GPC3: variants seen among roughly 807,000 people sequenced by gnomAD.
GPC3 encodes glypican-3.
In GPC3, 3 loss-of-function variants were observed where a neutral mutation model predicts 34.4. That is an observed-to-expected ratio of 0.09 (90% CI 0.04 to 0.23). The LOEUF is 0.23. Among genes scored for constraint, GPC3 ranks in the 10% least tolerant of loss-of-function variants. GPC3 has a pLI of 1.00. For missense variants in GPC3, 351 were observed against 445.6 expected (o/e 0.79, Z 1.91); for synonymous variants, 177 against 174.0 (o/e 1.02, Z -0.13).
intron 6 of GPC3, among the ~76,000 whole-genome samples, chrX:133,627,788 A>C (rs753352205): frequency 8.9e-6 from 1 of 112,660 alleles, no homozygotes; most frequent in East Asian, 2.8e-4. Context: ...AAATCCACAA[A>C]GGAAACAAAT....
At chrX:133,795,459 G>A (rs768063190) in intron 2 of GPC3, among the ~76,000 whole-genome samples, 42 of 111,384 alleles carry the variant, frequency 3.8e-4, no homozygotes, top group Non-Finnish European at 4.5e-4. Context: ...GCAGTGCCTG[G>A]TCAAGGTGGG....
At chrX:133,622,125 G>A (rs1383745053) in intron 6 of GPC3, among the ~76,000 whole-genome samples, 1 of 111,786 alleles carries the variant, frequency 8.9e-6, no homozygotes, top group Non-Finnish European at 1.9e-5. Context: ...AAACAGAAAG[G>A]ACATCCACAC....
rs757122548 is a variant in GPC3, at chrX:133,916,355, A to G, written c.337+36695T>C. Among the ~76,000 whole-genome samples, 3 of 111,559 alleles carry G rather than the reference A, an allele frequency of 2.7e-5. No homozygotes were observed. In the South Asian group the frequency reaches 1.1e-3, roughly 42 times the overall value. On this transcript the variant is annotated intron_variant, in intron 2 of 7. Transcript: ENST00000370818. ...ATATATACACTTTTTTCTATTAAAA[A>G]GTCTGTTAACTAAGCTGTTATGAGT...
intron 2 of GPC3, among the ~76,000 whole-genome samples, chrX:133,854,823 A>G (rs1183341651): frequency 8.9e-6 from 1 of 112,371 alleles, no homozygotes; most frequent in East Asian, 2.8e-4. Flanking sequence ...TGAAAATAAG[A>G]AATAAACTAT....
chrX:133,812,355 C>G (rs1433327543), intron 2 of GPC3, among the ~76,000 whole-genome samples: 3 of 112,060 alleles, frequency 2.7e-5, no homozygotes, highest in African/African-American at 9.7e-5. Context: ...AATATTTAAA[C>G]TCGAATGTGT....
intron 2 of GPC3, among the ~76,000 whole-genome samples, chrX:133,828,027 G>T (rs1266529277): frequency 2.8e-5 from 3 of 105,585 alleles, no homozygotes; most frequent in Admixed American, 1.0e-4. Context: ...GAACTAAATT[G>T]TCATAAGCTG....
At chrX:133,815,077 G>A (rs779491580) in intron 2 of GPC3, among the ~76,000 whole-genome samples, 2 of 110,268 alleles carry the variant, frequency 1.8e-5, no homozygotes, top group African/African-American at 6.6e-5. Context: ...TTCCAATGGG[G>A]AAAAAAAGTG....
intron 3 of GPC3, among the ~76,000 whole-genome samples, chrX:133,734,245 A>T (rs1031932678): frequency 8.9e-6 from 1 of 112,025 alleles, no homozygotes; most frequent in African/African-American, 3.2e-5. Context: ...AACATCTGGT[A>T]ATCAATGTAA....
intron 2 of GPC3, among the ~76,000 whole-genome samples, chrX:133,901,022 G>A (rs1209387560): frequency 8.9e-6 from 1 of 111,950 alleles, no homozygotes; most frequent in African/African-American, 3.2e-5. Context: ...ATTTCTGTTT[G>A]AATCAAACTA....
At chrX:133,800,007 C>T in intron 2 of GPC3, among the ~76,000 whole-genome samples, 1 of 111,955 alleles carries the variant, frequency 8.9e-6, no homozygotes, top group Non-Finnish European at 1.9e-5. Context: ...TTCTGACTGA[C>T]ATAAAAAGTT....
chrX:133,586,687 C>T (rs765119272), intron 7 of GPC3, among the ~76,000 whole-genome samples: 1 of 112,030 alleles, frequency 8.9e-6, no homozygotes, highest in Non-Finnish European at 1.9e-5. Context: ...ACTCAGCCGA[C>T]ATATTTGTCA....
At chrX:133,944,626 G>A (rs759761245) in intron 2 of GPC3, among the ~76,000 whole-genome samples, 1 of 111,904 alleles carries the variant, frequency 8.9e-6, no homozygotes, top group South Asian at 3.8e-4. Flanking sequence ...CTGAATGAGA[G>A]GATTATGAGT....
chrX:133,867,866 C>T (rs1248791988), intron 2 of GPC3, among the ~76,000 whole-genome samples: 4 of 107,714 alleles, frequency 3.7e-5, no homozygotes, highest in East Asian at 3.0e-4. Flanking sequence ...AACATCTAAA[C>T]GCCAAGAGGA....
chrX:133,681,692 C>A (rs1410269921), intron 5 of GPC3, among the ~76,000 whole-genome samples: 1 of 111,672 alleles, frequency 9.0e-6, no homozygotes, highest in Non-Finnish European at 1.9e-5. Context: ...AAGAGCAGGG[C>A]CGCTAGCAGG....
chrX:133,763,134 G>C, intron 2 of GPC3: 2 of 722,648 alleles, frequency 2.8e-6, no homozygotes, highest in South Asian at 4.2e-5. Flanking sequence ...ACCAGATCCA[G>C]GCAGCCTTTC....
At chrX:133,656,146 T>A (rs757739148) in intron 6 of GPC3, among the ~76,000 whole-genome samples, 2 of 112,192 alleles carry the variant, frequency 1.8e-5, no homozygotes, top group Non-Finnish European at 3.8e-5. Flanking sequence ...TACAATGTGG[T>A]GGTTAGTTTT....
At chrX:133,808,475 T>G (rs1297838479) in intron 2 of GPC3, among the ~76,000 whole-genome samples, 1 of 111,720 alleles carries the variant, frequency 9.0e-6, no homozygotes, top group East Asian at 2.8e-4. Context: ...TATAAAGAAA[T>G]TCAATATAAG....
At chrX:133,869,677 G>A (rs965294602) in intron 2 of GPC3, among the ~76,000 whole-genome samples, 15 of 112,240 alleles carry the variant, frequency 1.3e-4, no homozygotes, top group African/African-American at 4.5e-4. Flanking sequence ...GCCGGGCATG[G>A]TGGCTTACAC....
chrX:133,581,454 T>C (rs1347854728), intron 7 of GPC3, among the ~76,000 whole-genome samples: 3 of 112,232 alleles, frequency 2.7e-5, no homozygotes, highest in South Asian at 3.8e-4. Context: ...TCTTACCCAG[T>C]GGTGAGCTGG....
Sources: allele counts gnomAD v4.1 joint callset (sites outside exome capture counted in the v4.1 genomes callset), GRCh38; gene constraint gnomAD v4.1.1; transcripts MANE v1.5; gene names NCBI Gene and HGNC (gene_info 2026-07-23, HGNC 2026-07-21).